OTUD7A: variants seen among roughly 807,000 people sequenced by gnomAD.
The protein encoded by OTUD7A is OTU deubiquitinase 7A, also known as OTU domain-containing protein 7A.
OTUD7A carries 12 observed loss-of-function variants against 65.7 expected under a neutral mutation model. That is an observed-to-expected ratio of 0.18 (90% CI 0.12 to 0.30). OTUD7A has a LOEUF of 0.30. OTUD7A is among the 10% of genes least tolerant of loss of function. The pLI, the probability that OTUD7A is intolerant of heterozygous loss-of-function variation, is 1.00. For synonymous variants in OTUD7A, 641 were observed against 586.3 expected, an observed-to-expected ratio of 1.09 and a Z score of -1.35; for missense variants, 1,148 against 1,304.8, an observed-to-expected ratio of 0.88 and a Z score of 1.85.
intron 1 of OTUD7A, among the ~76,000 whole-genome samples, chr15:31,782,184 A>G (rs1481385120): frequency 6.6e-6 from 1 of 152,188 alleles, no homozygotes; most frequent in African/African-American, 2.4e-5. Flanking sequence ...CTGCAGGGGA[A>G]CCTGGCAGGG....
intron 1 of OTUD7A, among the ~76,000 whole-genome samples, chr15:31,859,982 T>C (rs896188254): frequency 2.0e-5 from 3 of 152,192 alleles, no homozygotes; most frequent in Non-Finnish European, 2.9e-5. Flanking sequence ...TAGGAAGGTA[T>C]TGTAATCAAT....
At chr15:31,807,644 G>A (rs776847287) in intron 1 of OTUD7A, among the ~76,000 whole-genome samples, 10 of 152,100 alleles carry the variant, frequency 6.6e-5, no homozygotes, top group East Asian at 1.9e-4. Context: ...CTAACACTAC[G>A]GCTATGCTCA....
At chr15:31,610,831 G>A (rs1364677939) in intron 3 of OTUD7A, among the ~76,000 whole-genome samples, 6 of 150,408 alleles carry the variant, frequency 4.0e-5, no homozygotes, top group Admixed American at 6.6e-5. Context: ...GGGTTTCACC[G>A]TGTTAGCCAG....
At position 31,538,776 on chromosome 15, in the gene OTUD7A, C is replaced by T. The variant is rs556044279; in HGVS notation, c.551-7968G>A. 3.3e-5 allele frequency among the ~76,000 whole-genome samples: 5 copies of T among 152,218 alleles called. No individual in the cohort carries two copies. In the South Asian group the frequency reaches 8.3e-4, roughly 25 times the overall value. The stretch of plus-strand genomic sequence containing the variant: ...TGTCACCCCTCTGCCATATTTGCAC[C>T]AGCAGGTTCCTTTCAACATAAAAGA... On this transcript the variant is annotated intron_variant, in intron 5 of 12. Transcript: ENST00000307050.
intron 1 of OTUD7A, among the ~76,000 whole-genome samples, chr15:31,853,288 C>T (rs1387783213): frequency 6.6e-6 from 1 of 152,226 alleles, no homozygotes; most frequent in East Asian, 1.9e-4. Flanking sequence ...ATCCAGCAGA[C>T]AGCAGCTTCT....
intron 1 of OTUD7A, among the ~76,000 whole-genome samples, chr15:31,785,347 T>A (rs1048327802): frequency 6.6e-6 from 1 of 152,244 alleles, no homozygotes. Flanking sequence ...TAAATTCTAA[T>A]CTGTAGATAT....
At chr15:31,485,451 C>G (rs928825908) in intron 12 of OTUD7A, among the ~76,000 whole-genome samples, 5 of 152,186 alleles carry the variant, frequency 3.3e-5, no homozygotes, top group African/African-American at 1.2e-4. Flanking sequence ...AAAAGATGTT[C>G]CCATTCCCAG....
At chr15:31,813,915 T>C (rs1460761594) in intron 1 of OTUD7A, among the ~76,000 whole-genome samples, 2 of 152,212 alleles carry the variant, frequency 1.3e-5, no homozygotes, top group Non-Finnish European at 2.9e-5. Flanking sequence ...ATTCCTTAAC[T>C]GGGAATTATG....
chr15:31,551,796 T>C (rs1013338128), intron 5 of OTUD7A, among the ~76,000 whole-genome samples: 1 of 152,044 alleles, frequency 6.6e-6, no homozygotes, highest in Non-Finnish European at 1.5e-5. Context: ...TGGGCATCAC[T>C]GTGCTTTGCA....
intron 1 of OTUD7A, among the ~76,000 whole-genome samples, chr15:31,862,576 C>T (rs1180197733): frequency 4.6e-5 from 7 of 152,162 alleles, no homozygotes; most frequent in Admixed American, 4.6e-4. Context: ...AAAGCGGAAA[C>T]CCCTGATAAA....
At chr15:31,584,851 G>C (rs1185803307) in intron 3 of OTUD7A, among the ~76,000 whole-genome samples, 1 of 152,320 alleles carries the variant, frequency 6.6e-6, no homozygotes, top group Admixed American at 6.5e-5. Flanking sequence ...CTCCGGTTTG[G>C]TGATTTATCT....
chr15:31,489,265 C>T (rs1045461974), intron 10 of OTUD7A, among the ~76,000 whole-genome samples: 1 of 152,190 alleles, frequency 6.6e-6, no homozygotes, highest in African/African-American at 2.4e-5. Flanking sequence ...ATGGGCCAAA[C>T]CAAAGTGTCC....
chr15:31,679,246 T>G (rs757101440), intron 1 of OTUD7A, among the ~76,000 whole-genome samples: 11 of 152,216 alleles, frequency 7.2e-5, no homozygotes, highest in African/African-American at 1.9e-4. Context: ...TTCATAGGCA[T>G]AAGGGACTTG....
chr15:31,649,627 C>CT (rs2141271913), intron 3 of OTUD7A: 1 of 197,818 alleles, frequency 5.1e-6, no homozygotes, highest in Admixed American at 5.2e-5. Flanking sequence ...ACCCAAATAA[C>CT]TTTGACACCT....
intron 3 of OTUD7A, among the ~76,000 whole-genome samples, chr15:31,613,908 T>C (rs1449632937): frequency 6.6e-6 from 1 of 152,056 alleles, no homozygotes; most frequent in Non-Finnish European, 1.5e-5. Flanking sequence ...CATCAATCAA[T>C]GAGTAGATAA....
At chr15:31,731,883 A>T (rs534850202) in intron 1 of OTUD7A, among the ~76,000 whole-genome samples, 1 of 152,254 alleles carries the variant, frequency 6.6e-6, no homozygotes, top group East Asian at 1.9e-4. Context: ...AAAGTGTATT[A>T]AAAAAAGGGT....
intron 3 of OTUD7A, among the ~76,000 whole-genome samples, chr15:31,625,066 C>T (rs1474009482): frequency 1.3e-5 from 2 of 152,212 alleles, no homozygotes; most frequent in African/African-American, 4.8e-5. Context: ...TCTCCCTCAT[C>T]ACTCACTCTG....
At chr15:31,524,094 T>G (rs1478569221) in intron 8 of OTUD7A, among the ~76,000 whole-genome samples, 1 of 152,206 alleles carries the variant, frequency 6.6e-6, no homozygotes, top group African/African-American at 2.4e-5. Context: ...GCAACTCTGT[T>G]TGGTAGATTC....
chr15:31,855,832 A>G (rs1897557719), intron 1 of OTUD7A, among the ~76,000 whole-genome samples: 1 of 152,230 alleles, frequency 6.6e-6, no homozygotes, highest in South Asian at 2.1e-4. Flanking sequence ...CAACAAGCAA[A>G]CAGGTATTTC....
Sources: gnomAD v4.1 joint callset for allele counts (sites outside exome capture counted in the v4.1 genomes callset) on GRCh38, gnomAD v4.1.1 for gene constraint, MANE v1.5 for transcripts, NCBI Gene and HGNC (gene_info 2026-07-23, HGNC 2026-07-21) for gene names.